The following LARP1 variants were observed in gnomAD, a reference collection of about 807,000 sequenced individuals.
The protein encoded by LARP1 is la-related protein 1.
Under a neutral mutation model 122.7 loss-of-function variants are expected in LARP1, and 36 were observed. The observed-to-expected ratio is 0.29, with a 90% confidence interval of 0.22 to 0.39. The LOEUF is 0.39. Among genes scored for constraint, LARP1 ranks in the 10% least tolerant of loss-of-function variants. The probability of loss-of-function intolerance (pLI) is 1.00; values close to 1 mark genes in which losing one functional copy is unlikely to be tolerated. For synonymous variants in LARP1, 539 were observed against 528.7 expected (o/e 1.02, Z -0.27); for missense variants, 1,040 against 1,403.6 (o/e 0.74, Z 4.14).
intron 1 of LARP1, among the ~76,000 whole-genome samples, chr5:154,739,801 A>G (rs1303206633): frequency 1.3e-5 from 2 of 152,206 alleles, no homozygotes; most frequent in Non-Finnish European, 2.9e-5. Flanking sequence ...CTCACAGTCA[A>G]CAGTGAGCCA....
intron 1 of LARP1, among the ~76,000 whole-genome samples, chr5:154,689,771 TGA>T (rs1235925171): frequency 6.6e-6 from 1 of 152,176 alleles, no homozygotes; most frequent in Non-Finnish European, 1.5e-5. Context: ...CAGAGGAAGT[TGA>T]GACTCAAAAA....
At chr5:154,685,166 C>T (rs1753866791) in intron 1 of LARP1, among the ~76,000 whole-genome samples, 1 of 152,002 alleles carries the variant, frequency 6.6e-6, no homozygotes, top group East Asian at 1.9e-4. Context: ...ATCACTTGAA[C>T]CCGGAGGGTG....
chr5:154,721,415 T>C (rs557596306), intron 1 of LARP1, among the ~76,000 whole-genome samples: 7 of 151,006 alleles, frequency 4.6e-5, no homozygotes, highest in Non-Finnish European at 1.0e-4. Flanking sequence ...AAAACGTTCA[T>C]GTGGCCCCAC....
intron 1 of LARP1, among the ~76,000 whole-genome samples, chr5:154,788,972 G>C (rs896630749): frequency 2.6e-5 from 4 of 152,104 alleles, no homozygotes; most frequent in Non-Finnish European, 1.5e-5. Flanking sequence ...AGCACTTTGG[G>C]AGGCTGAGGC....
At chr5:154,729,851 A>G (rs886259602) in intron 1 of LARP1, among the ~76,000 whole-genome samples, 7 of 152,234 alleles carry the variant, frequency 4.6e-5, no homozygotes, top group African/African-American at 1.4e-4. Flanking sequence ...ATTTTAATAG[A>G]GCAGGCAAAA....
chr5:154,805,897 G>T lies in LARP1; in HGVS notation c.2563G>T (p.Gly855Trp). The change falls in exon 15 of 19, where the codon GGG (glycine) becomes TGG (tryptophan). Residue 855 changes from glycine to tryptophan, a missense_variant. By Grantham distance (184) the Gly-to-Trp change is radical (BLOSUM62 -2). Coordinates refer to ENST00000518297, the MANE Select transcript of LARP1 (RefSeq NM_033551.3). ...TASISSSPSE[G>W]TPTVGSYGCT... ...TTTCTGTAGCTCCAGCCCCTCAGAA[G>T]GGACGCCTACAGTTGGCAGCTATGG... 1 of 1,614,008 alleles carries T rather than the reference G, an allele frequency of 6.2e-7. No homozygotes were observed. The highest frequency in any genetic ancestry group is 8.5e-7 in the Non-Finnish European group (1 of 1,179,976).
intron 8 of LARP1, among the ~76,000 whole-genome samples, chr5:154,796,013 TTATATATTATATATATTTTTA>T: frequency 9.9e-6 from 1 of 101,116 alleles, no homozygotes; most frequent in South Asian, 2.7e-4. Flanking sequence ...TATTATATAT[TTATATATTATATATATTTTTA>T]TATATATTAT....
chr5:154,767,422 T>C (rs545703943), intron 1 of LARP1, among the ~76,000 whole-genome samples: 1 of 152,272 alleles, frequency 6.6e-6, no homozygotes, highest in African/African-American at 2.4e-5. Context: ...CTCTTCCCCT[T>C]GATTGCTGCA....
Position 154,787,665 on chromosome 5 carries a change from T to C in LARP1, c.437-2660T>C, listed in dbSNP as rs369234217. On this transcript the variant is annotated intron_variant, in intron 1 of 18. Transcript: ENST00000518297. ...TTTTCTGCCTTTCTGGGGGTTTTTT[T>C]CTCCTTGTCAGGGGCAACCTGAAGC... Among the ~76,000 whole-genome samples, 25 of 152,260 alleles carry C rather than the reference T, an allele frequency of 1.6e-4. No individual in the cohort carries two copies. The East Asian group carries it at 3.5e-3, about 21-fold the overall frequency.
At chr5:154,695,228 C>T (rs1032809861) in intron 1 of LARP1, among the ~76,000 whole-genome samples, 7 of 151,710 alleles carry the variant, frequency 4.6e-5, no homozygotes, top group South Asian at 4.2e-4. Flanking sequence ...GGCAGAATGG[C>T]GTGAACCTGG....
At chr5:154,739,678 C>T (rs1192426669) in intron 1 of LARP1, among the ~76,000 whole-genome samples, 5 of 152,070 alleles carry the variant, frequency 3.3e-5, no homozygotes, top group African/African-American at 1.2e-4. Context: ...GAATTACAGG[C>T]GTGAGCCACC....
chr5:154,703,907 C>CTGCCAAAGTGCTGGGAAT (rs1754832250), intron 1 of LARP1, among the ~76,000 whole-genome samples: 1 of 152,248 alleles, frequency 6.6e-6, no homozygotes, highest in South Asian at 2.1e-4. Flanking sequence ...AGGCATGAGC[C>CTGCCAAAGTGCTGGGAAT]ACCGCGCCCA....
At chr5:154,811,776 C>CT (rs1759297983) in intron 18 of LARP1, 136 bp downstream of exon 18, 2 of 1,003,318 alleles carry the variant, frequency 2.0e-6, no homozygotes, top group Admixed American at 2.4e-5. Flanking sequence ...TTGGGCTTTG[C>CT]TTTTTCACCT....
intron 1 of LARP1, among the ~76,000 whole-genome samples, chr5:154,694,925 C>G (rs1754397546): frequency 6.6e-6 from 1 of 151,962 alleles, no homozygotes; most frequent in African/African-American, 2.4e-5. Context: ...AGGGTTTCAA[C>G]TCCTGGACTC....
intron 18 of LARP1, 76 bp from the exon 19 acceptor site, chr5:154,813,811 G>T: frequency 1.7e-6 from 2 of 1,168,286 alleles, no homozygotes; most frequent in Non-Finnish European, 2.5e-6. Context: ...AAAGTAGGAA[G>T]TGTCTAGACG....
intron 1 of LARP1, chr5:154,756,440 T>C (rs912232206): frequency 2.9e-5 from 29 of 991,450 alleles, no homozygotes; most frequent in Non-Finnish European, 3.4e-5. Flanking sequence ...CAGCGGTTAG[T>C]GGGCAACGGT....
At chr5:154,793,401 T>C (rs1757491026) in intron 4 of LARP1, among the ~76,000 whole-genome samples, 194 bp from the exon 5 acceptor site, 1 of 152,130 alleles carries the variant, frequency 6.6e-6, no homozygotes, top group South Asian at 2.1e-4. Flanking sequence ...GAGGAGTCTC[T>C]AACACACTGA....
chr5:154,748,305 C>G (rs1753309153), intron 1 of LARP1, among the ~76,000 whole-genome samples: 1 of 152,154 alleles, frequency 6.6e-6, no homozygotes, highest in African/African-American at 2.4e-5. Flanking sequence ...TCATTTATTC[C>G]TTTGTTCAGA....
intron 1 of LARP1, among the ~76,000 whole-genome samples, chr5:154,763,443 T>A (rs887559056): frequency 2.0e-5 from 3 of 151,894 alleles, no homozygotes; most frequent in African/African-American, 4.8e-5. Context: ...TCCTTCTAAT[T>A]GCTCAGACTA....
Sources: allele counts gnomAD v4.1 joint callset (sites outside exome capture counted in the v4.1 genomes callset), GRCh38; gene constraint gnomAD v4.1.1; transcripts MANE v1.5; gene names NCBI Gene and HGNC (gene_info 2026-07-23, HGNC 2026-07-21).